The following PIAS1 variants were observed in gnomAD, a reference collection of about 807,000 sequenced individuals.
PIAS1 encodes protein inhibitor of activated STAT 1.
PIAS1 carries 6 observed loss-of-function variants against 71.3 expected under a neutral mutation model. The observed-to-expected ratio is 0.08, with a 90% confidence interval of 0.05 to 0.17. The LOEUF (loss-of-function observed/expected upper bound fraction) is 0.17, where lower values mean the gene tolerates loss of function less well. Ranked by LOEUF, PIAS1 falls within the 10% of genes least tolerant of loss-of-function variation. PIAS1 has a pLI of 1.00. For missense variants in PIAS1, 555 were observed against 793.6 expected (o/e 0.70, Z 3.61); for synonymous variants, 303 against 292.9 (o/e 1.03, Z -0.35).
intron 2 of PIAS1, among the ~76,000 whole-genome samples, chr15:68,138,118 C>T (rs886830572): frequency 6.6e-5 from 10 of 152,106 alleles, no homozygotes. Flanking sequence ...CCACTGCACT[C>T]TAGCGTGGGA....
At chr15:68,055,810 G>A (rs2091889873) in intron 1 of PIAS1, 1 of 644,910 alleles carries the variant, frequency 1.6e-6, no homozygotes, top group East Asian at 2.7e-5. Flanking sequence ...ACAACCAAAT[G>A]CCAGATTTGA....
intron 2 of PIAS1, among the ~76,000 whole-genome samples, chr15:68,125,354 C>T (rs1284532984): frequency 1.3e-5 from 2 of 152,184 alleles, no homozygotes; most frequent in South Asian, 2.1e-4. Flanking sequence ...GATACTCTGT[C>T]ATCTTGAGGT....
At chr15:68,138,466 A>T (rs564137225) in intron 2 of PIAS1, among the ~76,000 whole-genome samples, 9 of 152,006 alleles carry the variant, frequency 5.9e-5, no homozygotes, top group African/African-American at 2.2e-4. Context: ...CTGTCACTTT[A>T]TTTATTTATT....
intron 1 of PIAS1, among the ~76,000 whole-genome samples, chr15:68,066,527 A>G (rs1567024628): frequency 6.6e-6 from 1 of 152,314 alleles, no homozygotes; most frequent in East Asian, 1.9e-4. Flanking sequence ...AATATATATG[A>G]TTGATTTGCA....
rs1191149785 is a variant in PIAS1, at chr15:68,185,471, C to A, written c.1662+1804C>A. 6.6e-6 allele frequency among the ~76,000 whole-genome samples: 1 copy of A among 152,142 alleles called. No individual in the cohort carries two copies. The highest frequency in any genetic ancestry group is 1.5e-5 in the Non-Finnish European group (1 of 68,022). On this transcript the variant is annotated intron_variant, in intron 13 of 13. Transcript: ENST00000249636. This position sits in a 1 kb window ranked among gnomAD's most constrained non-coding sequence, Gnocchi z 4.4. ...TTAACCTAGATGTAGATGAGGATGA[C>A]ATTGAGAAGCTCCTAGATGTGGTTC...
At chr15:68,164,105 G>A (rs2092941576) in intron 7 of PIAS1, among the ~76,000 whole-genome samples, 1 of 151,968 alleles carries the variant, frequency 6.6e-6, no homozygotes, top group Non-Finnish European at 1.5e-5. Flanking sequence ...TCTAGTGTGG[G>A]TTCCAATTTT....
At chr15:68,151,961 G>T (rs1188287286) in intron 6 of PIAS1, among the ~76,000 whole-genome samples, 14 of 5,502 alleles carry the variant, frequency 2.5e-3, no homozygotes, top group African/African-American at 5.3e-3. Flanking sequence ...TTTTTTTTTT[G>T]GGGGGGGAGA....
chr15:68,109,729 C>T (rs62004783), intron 2 of PIAS1, among the ~76,000 whole-genome samples: 2,672 of 152,242 alleles, frequency 0.018, 54 homozygotes, highest in Non-Finnish European at 0.022. Context: ...CCAGGAGAAA[C>T]GCAAAACTCT....
chr15:68,069,597 T>C (rs1238152323), intron 1 of PIAS1, among the ~76,000 whole-genome samples: 1 of 151,990 alleles, frequency 6.6e-6, no homozygotes, highest in Non-Finnish European at 1.5e-5. Context: ...GGTCAGGAGA[T>C]CGAGACCATC....
intron 1 of PIAS1, among the ~76,000 whole-genome samples, chr15:68,061,681 C>T (rs1212747652): frequency 2.0e-5 from 3 of 152,186 alleles, no homozygotes; most frequent in African/African-American, 7.2e-5. Context: ...TCAGTTTACC[C>T]GCTTTGGTTG....
At chr15:68,084,256 TGTAAAATGCA>T (rs1023369164) in intron 1 of PIAS1, among the ~76,000 whole-genome samples, 1 of 152,192 alleles carries the variant, frequency 6.6e-6, no homozygotes, top group African/African-American at 2.4e-5. Context: ...TTTTTTTTTC[TGTAAAATGCA>T]GTACATTTGA....
chr15:68,141,267 G>T (rs375390631), intron 2 of PIAS1, among the ~76,000 whole-genome samples: 20 of 152,112 alleles, frequency 1.3e-4, no homozygotes, highest in African/African-American at 4.8e-4. Context: ...TAGAACCCCT[G>T]GTCTAGTCTG....
chr15:68,080,777 G>A (rs2092221749), intron 1 of PIAS1, among the ~76,000 whole-genome samples: 1 of 152,162 alleles, frequency 6.6e-6, no homozygotes, highest in Non-Finnish European at 1.5e-5. Context: ...GAAATATTAT[G>A]ACATTATTAA....
At chr15:68,183,766 T>C (rs1408656424) in intron 13 of PIAS1, 99 bp downstream of exon 13, 3 of 576,016 alleles carry the variant, frequency 5.2e-6, no homozygotes, top group African/African-American at 3.8e-5. Context: ...CATATATGCA[T>C]TCCATAAGAT....
In PIAS1 at chr15:68,167,322, T is replaced by C. The variant is rs1288097483; in HGVS notation, c.1008+2518T>C. Among the ~76,000 whole-genome samples the C allele has an allele frequency of 6.6e-6, 1 of 152,184 alleles. No individual in the cohort carries two copies. The highest frequency in any genetic ancestry group is 1.5e-5 in the Non-Finnish European group (1 of 68,020). ...TAAGATCATGTATTTTAGGTATGTTTTTACTCAAAAATAAAATTTAATAAT... is the reference window on the plus strand; with the variant it reads ...TAAGATCATGTATTTTAGGTATGTTCTTACTCAAAAATAAAATTTAATAAT... On this transcript the variant is annotated intron_variant, in intron 8 of 13. Transcript: ENST00000249636. The surrounding 1 kb of genome is among the most constrained non-coding windows in gnomAD (Gnocchi z 4.4).
chr15:68,075,219 G>A (rs962050730), intron 1 of PIAS1, among the ~76,000 whole-genome samples: 1 of 150,896 alleles, frequency 6.6e-6, no homozygotes, highest in African/African-American at 2.4e-5. Flanking sequence ...CTGAGTAGCT[G>A]GAATTACAGG....
chr15:68,126,301 T>C (rs1046122927), intron 2 of PIAS1, among the ~76,000 whole-genome samples: 2 of 152,222 alleles, frequency 1.3e-5, no homozygotes, highest in African/African-American at 4.8e-5. Context: ...CTTTTTGCTT[T>C]ACTTTCTGGG....
intron 1 of PIAS1, among the ~76,000 whole-genome samples, chr15:68,078,174 A>G (rs776731929): frequency 2.6e-5 from 4 of 152,206 alleles, no homozygotes; most frequent in Non-Finnish European, 4.4e-5. Flanking sequence ...TCTAGATTTT[A>G]TTTGAAAAGT....
intron 2 of PIAS1, among the ~76,000 whole-genome samples, chr15:68,110,099 A>G (rs2092509271): frequency 6.6e-6 from 1 of 152,210 alleles, no homozygotes; most frequent in South Asian, 2.1e-4. Context: ...TTTTTCCTCC[A>G]GAATATCTCA....
Sources: allele counts gnomAD v4.1 joint callset (sites outside exome capture counted in the v4.1 genomes callset), GRCh38; gene constraint gnomAD v4.1.1; non-coding constraint Gnocchi (gnomAD v3.1); transcripts MANE v1.5; gene names NCBI Gene and HGNC (gene_info 2026-07-23, HGNC 2026-07-21).